The following ERCC2 variants were observed in gnomAD, a reference collection of about 807,000 sequenced individuals.
ERCC2 encodes the protein general transcription and DNA repair factor IIH helicase subunit XPD.
Under a neutral mutation model 99.4 loss-of-function variants are expected in ERCC2, and 90 were observed. The ratio of observed to expected loss-of-function variants is 0.91; its 90% CI spans 0.76 to 1.08. The LOEUF is 1.08. Ranked by LOEUF, ERCC2 falls within the 50% of genes least tolerant of loss-of-function variation. ERCC2 has a pLI of 0.00. For synonymous variants in ERCC2, 497 were observed against 432.4 expected (o/e 1.15, Z -1.85); for missense variants, 993 against 1,038.1 (o/e 0.96, Z 0.60).
chr19:45,354,856 A>C lies in ERCC2; in HGVS notation c.1544-5T>G, dbSNP rs771069133. ...TCCCATAGTTCCGGATCACAGCTGCAAGGGGTCAGAGGTTGGGCCCTCTCC... is the reference window on the plus strand; with the variant it reads ...TCCCATAGTTCCGGATCACAGCTGCCAGGGGTCAGAGGTTGGGCCCTCTCC... On this transcript the variant is annotated splice_region_variant and splice_polypyrimidine_tract_variant and intron_variant, in intron 16 of 22. Transcript: ENST00000391945. 1 of 1,613,774 alleles carries C rather than the reference A, an allele frequency of 6.2e-7. No individual in the cohort carries two copies. Among genetic ancestry groups the C allele is most frequent in the Non-Finnish European group, 8.5e-7 (1 of 1,179,876 alleles).
In ERCC2 at chr19:45,352,384, G is replaced by A. The variant is rs577544944; in HGVS notation, c.2047-32C>T. ...GCAGAAGCGCAGGCCAGGGACAGAA[G>A]GTCATTCGGGGAGCCTGGGCCACTC... On this transcript the variant is annotated intron_variant, in intron 21 of 22. Transcript: ENST00000391945. 7.4e-5 allele frequency: 120 copies of A among 1,613,738 alleles called. No homozygotes were observed. The South Asian group carries it at 1.2e-3, about 16-fold the overall frequency.
At chr19:45,359,202 AG>A (rs770049651) in intron 12 of ERCC2, among the ~76,000 whole-genome samples, 11 of 151,280 alleles carry the variant, frequency 7.3e-5, no homozygotes, top group African/African-American at 1.7e-4. Context: ...CCTAAGGATG[AG>A]GGGGAGGTGG....
intron 21 of ERCC2, 49 bp downstream of exon 21, chr19:45,352,457 G>C: frequency 6.2e-7 from 1 of 1,614,032 alleles, no homozygotes; most frequent in Non-Finnish European, 8.5e-7. Context: ...GAAACAGCCT[G>C]GTTCTTGGAG....
intron 16 of ERCC2, 117 bp from the exon 17 acceptor site, chr19:45,354,968 A>G: frequency 3.1e-6 from 4 of 1,308,360 alleles, no homozygotes; most frequent in Non-Finnish European, 4.4e-6. Context: ...TTTCACACAT[A>G]TCCCCCTCCT....
intron 15 of ERCC2, among the ~76,000 whole-genome samples, chr19:45,357,069 C>A (rs967979373): frequency 5.9e-5 from 9 of 152,228 alleles, no homozygotes; most frequent in Admixed American, 5.2e-4. Flanking sequence ...AGGATACATT[C>A]CCATTTCACA....
chr19:45,352,444 C>CG lies in ERCC2; in HGVS notation c.2046+61dup. On this transcript the variant is annotated intron_variant, in intron 21 of 22. Coordinates refer to ENST00000391945, the MANE Select transcript of ERCC2 (RefSeq NM_000400.4). The stretch of plus-strand genomic sequence containing the variant: ...CAACCCACCCCACCTGGGAAATGAA[C>CG]GGGAAACAGCCTGGTTCTTGGAGCC... 7 of 1,613,894 alleles carry CG rather than the reference C, an allele frequency of 4.3e-6. No homozygotes were observed. In the Admixed American group the frequency reaches 6.7e-5, roughly 15 times the overall value.
In ERCC2 at chr19:45,350,896, T is replaced by G. The variant is rs540231017; in HGVS notation, c.*733A>C. ...TCAAACCCTGTGCTGGAAAGGTCCC[T>G]CGTGGAGGGGGGCCACTCCTGGATT... On this transcript the variant is annotated 3_prime_UTR_variant, in exon 23 of 23. Coordinates refer to ENST00000391945, the MANE Select transcript of ERCC2 (RefSeq NM_000400.4). 111 of 1,569,310 alleles carry G rather than the reference T, an allele frequency of 7.1e-5. No homozygotes were observed. In the African/African-American group the frequency reaches 1.3e-3, roughly 18 times the overall value.
chr19:45,357,542 A>T lies in ERCC2; in HGVS notation c.1309T>A (p.Cys437Ser). 6.2e-7 allele frequency: 1 copy of T among 1,614,172 alleles called. No homozygotes were observed. Among genetic ancestry groups the T allele is most frequent in the Non-Finnish European group, 8.5e-7 (1 of 1,180,020 alleles). ...TIANPILHFS[C>S]MDASLAIKPV... Reference sequence around the variant, plus strand: ...TTGATGGCCAGCGAGGCGTCCATGCAGCTGGAGAGAGATGAGGGCAGTGAG... The same window carrying T: ...TTGATGGCCAGCGAGGCGTCCATGCTGCTGGAGAGAGATGAGGGCAGTGAG... Residue 437 changes from cysteine (C) to serine (S), a missense_variant and splice_region_variant, in exon 14 of 23, where the codon TGC becomes AGC. Physicochemically the swap from Cys to Ser is moderately radical, Grantham distance 112. This residue lies in a region of ERCC2 where 909 missense variants were observed against 930.8 expected (regional missense o/e 0.98). Coordinates refer to ENST00000391945, the MANE Select transcript of ERCC2 (RefSeq NM_000400.4).
chr19:45,370,192 A>G lies in ERCC2; in HGVS notation c.46T>C (p.Tyr16His). Residue 16 changes from tyrosine (Y) to histidine (H), a missense_variant, in exon 2 of 23, where the codon TAC becomes CAC. By Grantham distance (83) the Tyr-to-His change is moderately conservative (BLOSUM62 2). This residue lies in a region of ERCC2 where 55 missense variants were observed against 45.1 expected (regional missense o/e 1.22). Transcript: ENST00000391945. ...DGLLVYFPYDYIYPEQFSYMR... is the reference protein window; with the variant it reads ...DGLLVYFPYDHIYPEQFSYMR... Reference sequence around the variant, plus strand: ...TAGGAGAACTGCTCGGGGTAGATGTAGTCGTACGGGAAGTAGACCAGGAGC... The same window carrying G: ...TAGGAGAACTGCTCGGGGTAGATGTGGTCGTACGGGAAGTAGACCAGGAGC... 1 of 1,613,454 alleles carries G rather than the reference A, an allele frequency of 6.2e-7. No individual in the cohort carries two copies. Among genetic ancestry groups the G allele is most frequent in the Non-Finnish European group, 8.5e-7 (1 of 1,179,508 alleles).
chr19:45,356,774 C>T (rs1325515401), intron 15 of ERCC2, among the ~76,000 whole-genome samples: 1 of 152,212 alleles, frequency 6.6e-6, no homozygotes, highest in East Asian at 1.9e-4. Flanking sequence ...TGCCACTGCA[C>T]TCCAGCCTGG....
chr19:45,370,449 T>G, intron 1 of ERCC2, 87 bp downstream of exon 1: 2 of 727,532 alleles, frequency 2.7e-6, no homozygotes, highest in East Asian at 8.2e-5. Flanking sequence ...CCTCGCCCCC[T>G]TGGGGACCCA....
rs1225194113 is a variant in ERCC2 at position 45,351,548 on chromosome 19, C to CTA, written c.*79_*80dup. The CTA allele has an allele frequency of 1.2e-5, 19 of 1,606,702 alleles. No individual in the cohort carries two copies. Among genetic ancestry groups the CTA allele is most frequent in the Non-Finnish European group, 1.5e-5 (18 of 1,179,650 alleles). ...ATGTCACCTGACTTCATAAGACCTT[C>CTA]TAGCACCACCGCCGCTGGGAACCAG... On this transcript the variant is annotated 3_prime_UTR_variant, in exon 23 of 23. Transcript: ENST00000391945.
At position 45,357,659 on chromosome 19, in the gene ERCC2, C is replaced by T. The variant is rs148469762; in HGVS notation, c.1278G>A (p.Pro426=). 123 of 1,613,978 alleles carry T rather than the reference C, an allele frequency of 7.6e-5. 1 individual carries two copies. In the African/African-American group the frequency reaches 8.4e-4, roughly 11 times the overall value. Residue 426 remains proline, a synonymous_variant, in exon 13 of 23, where the codon CCG becomes CCA. Transcript: ENST00000391945. ...IIIEPFDDRT[P]TIANPILHFS... ...AGTGCAGGATGGGGTTGGCAATGGT[C>T]GGGGTTCTGTCGTCAAAGGGCTCGA... is the stretch of plus-strand genomic sequence containing the variant.
intron 5 of ERCC2, among the ~76,000 whole-genome samples, chr19:45,367,900 C>CTT (rs762407391): frequency 8.9e-4 from 119 of 134,298 alleles, no homozygotes; most frequent in African/African-American, 1.8e-3. Context: ...ATGACAATTT[C>CTT]TTTTTTTTTT....
At chr19:45,352,170 C>G in intron 22 of ERCC2, 39 bp downstream of exon 22, 1 of 1,609,916 alleles carries the variant, frequency 6.2e-7, no homozygotes, top group Admixed American at 1.7e-5. Context: ...AGGAGAAGCT[C>G]AGCCTGGGAG....
rs1162168169 is a variant in ERCC2, at chr19:45,351,467, C to T, written c.*162G>A. ...CCTGGCCCCCCCTTGCCTCTGGGTA[C>T]CTGGTGGATAGCTGCCTTCTCCTGC... On this transcript the variant is annotated 3_prime_UTR_variant, in exon 23 of 23. Transcript: ENST00000391945. 1 of 1,583,832 alleles carries T rather than the reference C, an allele frequency of 6.3e-7. No individual in the cohort carries two copies. Among genetic ancestry groups the T allele is most frequent in the African/African-American group, 1.3e-5 (1 of 74,558 alleles).
chr19:45,356,900 G>A (rs3916856), intron 15 of ERCC2, among the ~76,000 whole-genome samples: 3,530 of 152,282 alleles, frequency 0.023, 66 homozygotes, highest in Middle Eastern at 0.054. Flanking sequence ...AGACGGAGAC[G>A]GAGAGGAAGG....
At chr19:45,351,983 C>G (rs973545702) in intron 22 of ERCC2, among the ~76,000 whole-genome samples, 1 of 152,212 alleles carries the variant, frequency 6.6e-6, no homozygotes, top group Non-Finnish European at 1.5e-5. Flanking sequence ...GCCTCCTCAC[C>G]CCAACTTCTC....
At chr19:45,358,984 C>A in intron 12 of ERCC2, 2 of 702,108 alleles carry the variant, frequency 2.8e-6, no homozygotes, top group South Asian at 3.1e-5. Flanking sequence ...AAAATCAAGT[C>A]CTCTGTGCTG....
Sources: gnomAD v4.1 joint callset for allele counts (sites outside exome capture counted in the v4.1 genomes callset) on GRCh38, gnomAD v4.1.1 for gene constraint, gnomAD v4.1.1 regional missense constraint, MANE v1.5 for transcripts, NCBI Gene and HGNC (gene_info 2026-07-23, HGNC 2026-07-21) for gene names.